Variants in CADPS2 observed in about 807,000 individuals in gnomAD.
CADPS2 encodes calcium dependent secretion activator 2.
CADPS2 carries 93 observed loss-of-function variants against 172.5 expected under a neutral mutation model. The ratio of observed to expected loss-of-function variants is 0.54; its 90% CI spans 0.46 to 0.64. CADPS2 has a LOEUF of 0.64. Among genes scored for constraint, CADPS2 ranks in the 30% least tolerant of loss-of-function variants. CADPS2 has a pLI of 0.00. For missense variants in CADPS2, 1,420 were observed against 1,565.9 expected, an observed-to-expected ratio of 0.91 and a Z score of 1.57; for synonymous variants, 546 against 555.2, an observed-to-expected ratio of 0.98 and a Z score of 0.23.
chr7:122,365,675 T>G (rs985865437), intron 25 of CADPS2, among the ~76,000 whole-genome samples: 3 of 152,196 alleles, frequency 2.0e-5, no homozygotes, highest in Non-Finnish European at 2.9e-5. Flanking sequence ...CTGTAATCTC[T>G]TTGTTGCCCT....
In CADPS2 at chr7:122,487,915, CAT is replaced by C. The variant is rs555469043; in HGVS notation, c.1852+2164_1852+2165del. On this transcript the variant is annotated intron_variant, in intron 11 of 29. Coordinates refer to ENST00000449022, the MANE Select transcript of CADPS2 (RefSeq NM_017954.11). Reference sequence around the variant, plus strand: ...TAAAAACATGGATAAATTTTAAAAACATAGAGATGAACAAAAACAGTAAGACT... The same window carrying C: ...TAAAAACATGGATAAATTTTAAAAACAGAGATGAACAAAAACAGTAAGACT... 1.6e-4 allele frequency among the ~76,000 whole-genome samples: 25 copies of C among 152,186 alleles called. No homozygotes were observed. In the South Asian group the frequency reaches 3.3e-3, roughly 20 times the overall value.
chr7:122,572,545 A>G (rs559187779), intron 7 of CADPS2, among the ~76,000 whole-genome samples: 1 of 152,274 alleles, frequency 6.6e-6, no homozygotes, highest in South Asian at 2.1e-4. Context: ...ACCCTCCAAA[A>G]ATTTTTTTGT....
At chr7:122,477,037 GGAGAGGAGAGAGAGAAGA>G (rs2056734640) in intron 12 of CADPS2, among the ~76,000 whole-genome samples, 4 of 78,950 alleles carry the variant, frequency 5.1e-5, no homozygotes, top group African/African-American at 3.3e-4. Context: ...GGAGAGGAGA[GGAGAGGAGAGAGAGAAGA>G]GAGAGAGAGA....
intron 8 of CADPS2, among the ~76,000 whole-genome samples, chr7:122,527,617 A>AGAGAGAGAGAGAGAGAGAGTGT: frequency 2.7e-4 from 23 of 83,882 alleles, no homozygotes; most frequent in Non-Finnish European, 5.0e-4. Flanking sequence ...AGAGAGAGAG[A>AGAGAGAGAGAGAGAGAGAGTGT]GTGTGTGTGT....
At chr7:122,647,020 T>C (rs779230707) in intron 3 of CADPS2, among the ~76,000 whole-genome samples, 8 of 152,152 alleles carry the variant, frequency 5.3e-5, no homozygotes, top group Non-Finnish European at 8.8e-5. Flanking sequence ...ATGACATTAA[T>C]AGAAGAACTA....
At chr7:122,481,272 C>T (rs2057275651) in intron 11 of CADPS2, among the ~76,000 whole-genome samples, 3 of 150,406 alleles carry the variant, frequency 2.0e-5, no homozygotes, top group Non-Finnish European at 4.4e-5. Flanking sequence ...TTCACGTCAG[C>T]AGAGGTCTGC....
At chr7:122,645,542 T>A (rs1440649002) in intron 3 of CADPS2, among the ~76,000 whole-genome samples, 5 of 122,062 alleles carry the variant, frequency 4.1e-5, no homozygotes, top group African/African-American at 1.5e-4. Context: ...ATATATATAC[T>A]TATATATATA....
chr7:122,799,217 T>A (rs1431517625), intron 1 of CADPS2, among the ~76,000 whole-genome samples: 13 of 147,120 alleles, frequency 8.8e-5, no homozygotes, highest in Non-Finnish European at 1.8e-4. Flanking sequence ...ATGTAGTGAC[T>A]AACTAATGCC....
At chr7:122,563,698 A>G (rs1336680952) in intron 7 of CADPS2, among the ~76,000 whole-genome samples, 1 of 152,092 alleles carries the variant, frequency 6.6e-6, no homozygotes, top group African/African-American at 2.4e-5. Flanking sequence ...CGGTGGTCGG[A>G]TGGAAAAGAG....
chr7:122,395,770 T>C (rs1434790374), intron 20 of CADPS2, among the ~76,000 whole-genome samples: 1 of 152,154 alleles, frequency 6.6e-6, no homozygotes, highest in Non-Finnish European at 1.5e-5. Flanking sequence ...CCTTATCTCA[T>C]TTAATCATCA....
At chr7:122,523,663 T>C (rs73717670) in intron 8 of CADPS2, among the ~76,000 whole-genome samples, 14,912 of 152,180 alleles carry the variant, frequency 0.098, 845 homozygotes, top group African/African-American at 0.15. Context: ...AATTAATATA[T>C]GCATTACCTC....
intron 20 of CADPS2, among the ~76,000 whole-genome samples, chr7:122,407,265 C>CCCTCTT (rs2046764945): frequency 6.6e-6 from 1 of 152,096 alleles, no homozygotes; most frequent in Non-Finnish European, 1.5e-5. Flanking sequence ...TCATAAGGTA[C>CCCTCTT]AATAAAGTTC....
intron 1 of CADPS2, among the ~76,000 whole-genome samples, chr7:122,767,580 C>T (rs2138961922): frequency 6.6e-6 from 1 of 152,184 alleles, no homozygotes; most frequent in South Asian, 2.1e-4. Context: ...TACAGTTAGA[C>T]CAACAAAGGC....
At position 122,628,379 on chromosome 7, in the gene CADPS2, G is replaced by A. The variant is rs190498355; in HGVS notation, c.867+869C>T. On this transcript the variant is annotated intron_variant, in intron 4 of 29. Transcript: ENST00000449022. ...GGAGGTGGCTACACAGGATGTATGC[G>A]TAAACATTCATTAAACTGTAAAATG... Among the ~76,000 whole-genome samples the A allele has an allele frequency of 2.5e-3, 376 of 152,004 alleles. 1 individual carries two copies. The highest frequency in any genetic ancestry group is 4.4e-3 in the Non-Finnish European group (299 of 67,960).
At chr7:122,373,381 T>C (rs1230017393) in intron 25 of CADPS2, among the ~76,000 whole-genome samples, 1 of 152,178 alleles carries the variant, frequency 6.6e-6, no homozygotes, top group East Asian at 1.9e-4. Context: ...AATCTGCATT[T>C]TAACAGTTCT....
At chr7:122,445,915 A>C (rs1476898404) in intron 15 of CADPS2, among the ~76,000 whole-genome samples, 1 of 152,204 alleles carries the variant, frequency 6.6e-6, no homozygotes, top group Non-Finnish European at 1.5e-5. Context: ...GTTACTTGCA[A>C]ATAAAGATAG....
In CADPS2 at chr7:122,438,605, G is replaced by A; in HGVS notation, c.2353-141C>T. On this transcript the variant is annotated intron_variant, in intron 16 of 29. Transcript: ENST00000449022. Reference sequence around the variant, plus strand: ...GATCTGACTATTATTAGGGAGAGGGGTCCTAGGTAACCTGGGGGGATGTAA... The same window carrying A: ...GATCTGACTATTATTAGGGAGAGGGATCCTAGGTAACCTGGGGGGATGTAA... 4 of 946,224 alleles carry A rather than the reference G, an allele frequency of 4.2e-6. 1 individual carries two copies. Among genetic ancestry groups the A allele is most frequent in the African/African-American group, 1.6e-5 (1 of 60,952 alleles). 58.6% of individuals were successfully genotyped at this position (946,224 alleles called of 1,614,324 possible). A position where few individuals can be genotyped will look rare whatever the true frequency, so the allele number is the denominator to read the frequency against.
intron 1 of CADPS2, among the ~76,000 whole-genome samples, chr7:122,827,810 T>C (rs1805379316): frequency 1.3e-5 from 2 of 152,036 alleles, no homozygotes; most frequent in South Asian, 4.1e-4. Context: ...CACTCATGTC[T>C]ATAATTGCAA....
intron 27 of CADPS2, among the ~76,000 whole-genome samples, chr7:122,347,547 G>GA (rs1412829350): frequency 1.3e-5 from 2 of 152,090 alleles, no homozygotes; most frequent in African/African-American, 4.8e-5. Context: ...GCTGTAACTT[G>GA]AAATAACTAT....
Sources: allele counts gnomAD v4.1 joint callset (sites outside exome capture counted in the v4.1 genomes callset), GRCh38; gene constraint gnomAD v4.1.1; transcripts MANE v1.5; gene names NCBI Gene and HGNC (gene_info 2026-07-23, HGNC 2026-07-21).